Variants in LY86 observed in about 807,000 individuals in gnomAD.
The protein encoded by LY86 is MD-1, RP105-associated.
Under a neutral mutation model 17.3 loss-of-function variants are expected in LY86, and 20 were observed. That is an observed-to-expected ratio of 1.15 (90% confidence interval 0.81 to 1.68). The LOEUF (loss-of-function observed/expected upper bound fraction) is 1.68, where lower values mean the gene tolerates loss of function less well. LY86 is among the 40% of genes most tolerant of loss of function. The probability of loss-of-function intolerance (pLI) is 0.00; values close to 1 mark genes in which losing one functional copy is unlikely to be tolerated. For synonymous variants in LY86, 74 were observed against 70.6 expected (o/e 1.05, Z -0.24); for missense variants, 200 against 191.9 (o/e 1.04, Z -0.25).
At chr6:6,647,632 T>C (rs1489792239) in intron 3 of LY86, among the ~76,000 whole-genome samples, 1 of 152,138 alleles carries the variant, frequency 6.6e-6, no homozygotes, top group Non-Finnish European at 1.5e-5. Flanking sequence ...TTGAAAAACA[T>C]TCACCTCCTG....
intron 1 of LY86, among the ~76,000 whole-genome samples, chr6:6,597,194 G>C (rs1391729765): frequency 6.6e-6 from 1 of 152,232 alleles, no homozygotes; most frequent in Non-Finnish European, 1.5e-5. Context: ...GTGAAGACCA[G>C]AGCAGTTTCT....
At chr6:6,605,524 A>C (rs959293552) in intron 1 of LY86, among the ~76,000 whole-genome samples, 20 of 152,250 alleles carry the variant, frequency 1.3e-4, no homozygotes, top group African/African-American at 3.6e-4. Context: ...GGGTCTCCCC[A>C]CAACGCTACC....
chr6:6,624,086 C>G (rs1761735701), intron 1 of LY86, among the ~76,000 whole-genome samples: 1 of 152,100 alleles, frequency 6.6e-6, no homozygotes, highest in Non-Finnish European at 1.5e-5. Flanking sequence ...AGACTAAGAC[C>G]ATTGCAAATG....
At chr6:6,601,303 A>G (rs1371504961) in intron 1 of LY86, among the ~76,000 whole-genome samples, 2 of 151,790 alleles carry the variant, frequency 1.3e-5, no homozygotes, top group African/African-American at 4.9e-5. Flanking sequence ...CTACTAAACC[A>G]CAGTCATCCC....
intron 1 of LY86, among the ~76,000 whole-genome samples, chr6:6,595,312 A>G (rs925171985): frequency 3.4e-5 from 5 of 146,356 alleles, no homozygotes; most frequent in African/African-American, 7.6e-5. Flanking sequence ...AAGGAGGAGG[A>G]GGTGGAAGAG....
intron 3 of LY86, among the ~76,000 whole-genome samples, chr6:6,636,815 G>A (rs771630098): frequency 1.2e-4 from 18 of 151,452 alleles, no homozygotes; most frequent in Non-Finnish European, 2.5e-4. Flanking sequence ...GGCAGCTGCT[G>A]CTGCAGCAAA....
chr6:6,624,374 A>AATGCGATGGGATGGGATGGG lies in LY86; in HGVS notation c.137-549_137-548insCGATGGGATGGGATGGGATG, dbSNP rs1554125574. 7.2e-3 allele frequency among the ~76,000 whole-genome samples: 733 copies of AATGCGATGGGATGGGATGGG among 101,812 alleles called. 4 individuals are homozygous for AATGCGATGGGATGGGATGGG. The highest frequency in any genetic ancestry group is 0.011 in the Non-Finnish European group (549 of 51,892). 66.8% of individuals were successfully genotyped at this position (101,812 alleles called of 152,430 possible). A position where few individuals can be genotyped will look rare whatever the true frequency, so the allele number is the denominator to read the frequency against. Reference sequence around the variant, plus strand: ...ATTTGGAGGAGGAAGCATTACATTAAATGGGATGGGATGGGATGGGATGGG... The same window carrying AATGCGATGGGATGGGATGGG: ...ATTTGGAGGAGGAAGCATTACATTAAATGCGATGGGATGGGATGGGATGGGATGGGATGGGATGGGATGGG... On this transcript the variant is annotated intron_variant, in intron 1 of 4. Coordinates refer to ENST00000230568, the MANE Select transcript of LY86 (RefSeq NM_004271.4).
At chr6:6,612,805 C>G (rs958689599) in intron 1 of LY86, among the ~76,000 whole-genome samples, 1 of 152,214 alleles carries the variant, frequency 6.6e-6, no homozygotes, top group African/African-American at 2.4e-5. Context: ...GAGCTAGACA[C>G]AGAGTGCTGA....
chr6:6,596,710 A>G (rs945447759), intron 1 of LY86, among the ~76,000 whole-genome samples: 1 of 152,180 alleles, frequency 6.6e-6, no homozygotes, highest in Non-Finnish European at 1.5e-5. Context: ...TTTTAATGCT[A>G]GATGAAAGTG....
chr6:6,607,461 GTA>G (rs1251054315), intron 1 of LY86, among the ~76,000 whole-genome samples: 21 of 152,110 alleles, frequency 1.4e-4, no homozygotes, highest in African/African-American at 4.1e-4. Flanking sequence ...TAGAAATAAA[GTA>G]TATGATTTCC....
chr6:6,622,664 TC>T, intron 1 of LY86: 1 of 152,376 alleles, frequency 6.6e-6, no homozygotes, highest in East Asian at 1.9e-4. Context: ...TGCCTAGTGA[TC>T]ATTTCCATTG....
At chr6:6,613,130 G>A (rs1364324391) in intron 1 of LY86, among the ~76,000 whole-genome samples, 2 of 151,592 alleles carry the variant, frequency 1.3e-5, no homozygotes, top group Non-Finnish European at 1.5e-5. Flanking sequence ...AGACACAGGG[G>A]GCTGATTGGT....
intron 3 of LY86, among the ~76,000 whole-genome samples, chr6:6,629,281 T>C (rs1761861781): frequency 6.6e-6 from 1 of 152,220 alleles, no homozygotes; most frequent in African/African-American, 2.4e-5. Flanking sequence ...TTATGTAAAC[T>C]ATGTAAGTCA....
At chr6:6,633,111 T>C (rs1414385777) in intron 3 of LY86, among the ~76,000 whole-genome samples, 1 of 152,196 alleles carries the variant, frequency 6.6e-6, no homozygotes, top group Non-Finnish European at 1.5e-5. Flanking sequence ...AGCCAAAATT[T>C]GGTTGTAAGA....
intron 3 of LY86, among the ~76,000 whole-genome samples, chr6:6,646,348 G>A (rs1200704311): frequency 6.6e-6 from 1 of 152,126 alleles, no homozygotes; most frequent in Non-Finnish European, 1.5e-5. Flanking sequence ...TGCAGTGCTG[G>A]GGGATCACAG....
chr6:6,594,077 C>T (rs1385491011), intron 1 of LY86, among the ~76,000 whole-genome samples: 1 of 152,178 alleles, frequency 6.6e-6, no homozygotes, highest in Non-Finnish European at 1.5e-5. Context: ...TATTTTTTGG[C>T]AAGGGCCCAG....
chr6:6,591,850 T>G (rs1267332631), intron 1 of LY86, among the ~76,000 whole-genome samples: 7 of 152,166 alleles, frequency 4.6e-5, no homozygotes, highest in African/African-American at 1.7e-4. Context: ...AGGAGAAGTT[T>G]GGCAGAGACA....
At chr6:6,638,848 C>T (rs1199574397) in intron 3 of LY86, among the ~76,000 whole-genome samples, 2 of 136,562 alleles carry the variant, frequency 1.5e-5, no homozygotes, top group Non-Finnish European at 3.1e-5. Context: ...GTGATGTTCC[C>T]CTTCCTGTGT....
At chr6:6,605,996 G>A (rs921495909) in intron 1 of LY86, among the ~76,000 whole-genome samples, 2 of 152,122 alleles carry the variant, frequency 1.3e-5, no homozygotes, top group African/African-American at 2.4e-5. Flanking sequence ...AAAATTTACT[G>A]CGAAAAGCAA....
Sources: allele counts gnomAD v4.1 joint callset (sites outside exome capture counted in the v4.1 genomes callset), GRCh38; gene constraint gnomAD v4.1.1; transcripts MANE v1.5; gene names NCBI Gene and HGNC (gene_info 2026-07-23, HGNC 2026-07-21).